Variants in CCDC66 observed in about 807,000 individuals in gnomAD.
The protein encoded by CCDC66 is coiled-coil domain containing 66, also known as coiled-coil domain-containing protein 66.
A neutral mutation model predicts 128.3 loss-of-function variants in CCDC66; 133 were observed. The ratio of observed to expected loss-of-function variants is 1.04; its 90% confidence interval spans 0.90 to 1.20. CCDC66 has a LOEUF of 1.20. Ranked by LOEUF, CCDC66 falls within the 50% of genes most tolerant of loss-of-function variation. The pLI, the probability that CCDC66 is intolerant of heterozygous loss-of-function variation, is 0.00. For missense variants in CCDC66, 1,126 were observed against 1,075.5 expected, an observed-to-expected ratio of 1.05 and a Z score of -0.66; for synonymous variants, 387 against 357.0, an observed-to-expected ratio of 1.08 and a Z score of -0.95.
chr3:56,558,935 A>C, intron 2 of CCDC66, 25 bp downstream of exon 2: 1 of 1,471,754 alleles, frequency 6.8e-7, no homozygotes, highest in Non-Finnish European at 9.2e-7. Context: ...AGAAATCTGA[A>C]ATGTTAACTT....
chr3:56,567,961 A>G (rs2066108110), intron 6 of CCDC66, among the ~76,000 whole-genome samples: 1 of 152,142 alleles, frequency 6.6e-6, no homozygotes, highest in South Asian at 2.1e-4. Flanking sequence ...AAGTGCTAGG[A>G]TTACAGGCGT....
intron 4 of CCDC66, among the ~76,000 whole-genome samples, chr3:56,564,738 G>A (rs1461069874): frequency 1.3e-5 from 2 of 152,052 alleles, no homozygotes; most frequent in East Asian, 3.8e-4. Flanking sequence ...CGAATATGAA[G>A]ACAATAGAAA....
intron 7 of CCDC66, chr3:56,572,600 A>G (rs1225222493): frequency 1.5e-5 from 1 of 66,566 alleles, no homozygotes; most frequent in Non-Finnish European, 3.9e-5. Context: ...GAACATTTAC[A>G]TTTTAGCAAA....
chr3:56,581,007 T>G (rs2068264874), intron 7 of CCDC66, among the ~76,000 whole-genome samples: 1 of 151,890 alleles, frequency 6.6e-6, no homozygotes, highest in Non-Finnish European at 1.5e-5. Context: ...CAGAGTGTTT[T>G]CCAACTTGGT....
At position 56,587,540 on chromosome 3, in the gene CCDC66, A is replaced by T. The variant is rs567049724; in HGVS notation, c.937-5430A>T. On this transcript the variant is annotated intron_variant, in intron 7 of 17. Transcript: ENST00000394672. ...GGGCTACACACTTTTAAACGACCAG[A>T]TCTTACCATGAAAAACAATGTGGAG... Among the ~76,000 whole-genome samples, 3 of 152,270 alleles carry T rather than the reference A, an allele frequency of 2.0e-5. No homozygotes were observed. The East Asian group carries it at 5.8e-4, about 29-fold the overall frequency.
rs1280222122 is a variant in CCDC66, at chr3:56,621,786, A to G, written c.*168A>G. 1 of 358,604 alleles carries G rather than the reference A, an allele frequency of 2.8e-6. No homozygotes were observed. Among genetic ancestry groups the G allele is most frequent in the Non-Finnish European group, 5.0e-6 (1 of 201,292 alleles). 22.2% of individuals were successfully genotyped at this position (358,604 alleles called of 1,614,324 possible). On this transcript the variant is annotated 3_prime_UTR_variant, in exon 18 of 18. Transcript: ENST00000394672. ...AATGCTGTACTTGTTCTATACAATA[A>G]AACAGATACTTCTTTTGTAAAAGCT...
Position 56,596,789 on chromosome 3 carries a change from C to T in CCDC66, c.1404+2761C>T, listed in dbSNP as rs142915222. Among the ~76,000 whole-genome samples the T allele has an allele frequency of 9.8e-4, 132 of 134,956 alleles. 2 individuals carry two copies. The highest frequency in any genetic ancestry group is 3.6e-3 in the African/African-American group (129 of 35,460). The allele number at this position is 134,956 out of a possible 152,430, so 88.5% of individuals were successfully genotyped here. Reference sequence around the variant, plus strand: ...TTTTTTTTTTTTTTTGAAGTGGAGTCTCAGACTGTCACCCTGGAATGCAGT... The same window carrying T: ...TTTTTTTTTTTTTTTGAAGTGGAGTTTCAGACTGTCACCCTGGAATGCAGT... On this transcript the variant is annotated intron_variant, in intron 10 of 17. Coordinates refer to ENST00000394672, the MANE Select transcript of CCDC66 (RefSeq NM_001141947.3).
intron 7 of CCDC66, among the ~76,000 whole-genome samples, chr3:56,577,474 G>A (rs558240626): frequency 6.6e-6 from 1 of 151,838 alleles, no homozygotes; most frequent in Non-Finnish European, 1.5e-5. Context: ...TGCTTTTGGT[G>A]TTTTAGTCAT....
rs1208750351 is a variant in CCDC66 at position 56,615,221 on chromosome 3, G to C, written c.1660G>C (p.Glu554Gln). 12 of 1,613,948 alleles carry C rather than the reference G, an allele frequency of 7.4e-6. No individual in the cohort carries two copies. Among genetic ancestry groups the C allele is most frequent in the Non-Finnish European group, 1.0e-5 (12 of 1,180,002 alleles). The change falls in exon 12 of 18, where the codon GAA (glutamate) becomes CAA (glutamine). Residue 554 changes from glutamate to glutamine, a missense_variant. Transcript: ENST00000394672. ...ACTAAAACAAGAACAAAGAATCCGA[G>C]AATTGGCGCAAAAGGGACATGACAC... ...QRLKQEQRIR[E>Q]LAQKGHDTSR...
At position 56,597,777 on chromosome 3, in the gene CCDC66, G is replaced by GTTTTTTTTTTTTTTTTT. The variant is rs3064563; in HGVS notation, c.1404+3764_1404+3765insTTTTTTTTTTTTTTTTT. ...TGTGGAGTCTAGGTTTTGTTTTGGG[G>GTTTTTTTTTTTTTTTTT]TTTTTTTTTTTTTTTGAGACAGAGC... On this transcript the variant is annotated intron_variant, in intron 10 of 17. Transcript: ENST00000394672. 6.7e-4 allele frequency among the ~76,000 whole-genome samples: 59 copies of GTTTTTTTTTTTTTTTTT among 87,960 alleles called. 6 individuals are homozygous for GTTTTTTTTTTTTTTTTT. The highest frequency in any genetic ancestry group is 5.2e-3 in the East Asian group (12 of 2,330). The allele number at this position is 87,960 out of a possible 152,430, so 57.7% of individuals were successfully genotyped here.
intron 7 of CCDC66, among the ~76,000 whole-genome samples, chr3:56,578,710 G>A (rs955882590): frequency 7.2e-5 from 11 of 151,810 alleles, no homozygotes; most frequent in Non-Finnish European, 1.2e-4. Context: ...AATAGATTAC[G>A]TTTATTGATT....
intron 7 of CCDC66, among the ~76,000 whole-genome samples, chr3:56,575,866 G>T (rs2067287866): frequency 6.6e-6 from 1 of 151,710 alleles, no homozygotes; most frequent in South Asian, 2.1e-4. Context: ...TGGCTCCCTT[G>T]TCCATAACTA....
chr3:56,566,107 C>CTTTGTTTTGTTTTGTTTTGTTCTGT (rs1553662652), intron 4 of CCDC66, among the ~76,000 whole-genome samples: 11 of 148,822 alleles, frequency 7.4e-5, no homozygotes, highest in African/African-American at 2.7e-4. Flanking sequence ...CTTCAGTTTC[C>CTTTGTTTTGTTTTGTTTTGTTCTGT]TTTGTTTTGT....
chr3:56,604,825 G>A (rs2073825227), intron 10 of CCDC66, among the ~76,000 whole-genome samples: 1 of 152,010 alleles, frequency 6.6e-6, no homozygotes, highest in East Asian at 1.9e-4. Flanking sequence ...TGTCTTGCTA[G>A]GTTGGGGAAG....
At chr3:56,570,179 C>T (rs1483871020) in intron 6 of CCDC66, 1 of 152,066 alleles carries the variant, frequency 6.6e-6, no homozygotes. Flanking sequence ...GTTTTTTTAA[C>T]TTGTCTCAGT....
intron 7 of CCDC66, among the ~76,000 whole-genome samples, chr3:56,581,438 C>G (rs545348310): frequency 6.6e-6 from 1 of 151,856 alleles, no homozygotes; most frequent in Non-Finnish European, 1.5e-5. Context: ...CTCTGTCCAG[C>G]TTTGTTCCAT....
intron 1 of CCDC66, among the ~76,000 whole-genome samples, chr3:56,558,565 TATG>T (rs1371308206): frequency 6.6e-6 from 1 of 152,238 alleles, no homozygotes; most frequent in Non-Finnish European, 1.5e-5. Context: ...AAAATGGTGG[TATG>T]ATAACTTAAT....
In CCDC66 at chr3:56,617,496, A is replaced by G. The variant is rs753697525; in HGVS notation, c.2228A>G (p.Glu743Gly). 1 of 1,613,886 alleles carries G rather than the reference A, an allele frequency of 6.2e-7. No homozygotes were observed. Among genetic ancestry groups the G allele is most frequent in the South Asian group, 1.1e-5 (1 of 91,024 alleles). ...CAGATGGAATTGCTTCATTTGGTAG[A>G]AAAAAATAATCCTGGGCACCTCTCT... ...RRQMELLHLV[E>G]KNNPGHLSQN... The change falls in exon 14 of 18, where the codon GAA (glutamate) becomes GGA (glycine). Residue 743 changes from glutamate to glycine, a missense_variant. Coordinates refer to ENST00000394672, the MANE Select transcript of CCDC66 (RefSeq NM_001141947.3).
In CCDC66 at chr3:56,592,950, C is replaced by CTT; in HGVS notation, c.937-17_937-16dup. On this transcript the variant is annotated intron_variant, in intron 7 of 17. Coordinates refer to ENST00000394672, the MANE Select transcript of CCDC66 (RefSeq NM_001141947.3). ...AAAAAGAGAACTGAACTTTAGATGG[C>CTT]TTTTATGGCTGTTGTTTAGGAAACA... 1.3e-6 allele frequency: 2 copies of CTT among 1,598,728 alleles called. No individual in the cohort carries two copies. Among genetic ancestry groups the CTT allele is most frequent in the Non-Finnish European group, 1.7e-6 (2 of 1,175,936 alleles).
Sources: gnomAD v4.1 joint callset for allele counts (sites outside exome capture counted in the v4.1 genomes callset) on GRCh38, gnomAD v4.1.1 for gene constraint, MANE v1.5 for transcripts, NCBI Gene and HGNC (gene_info 2026-07-23, HGNC 2026-07-21) for gene names.